Variants in STT3B observed in about 807,000 individuals in gnomAD.
The protein encoded by STT3B is STT3 oligosaccharyltransferase complex catalytic subunit B.
Under a neutral mutation model 96.8 loss-of-function variants are expected in STT3B, and 29 were observed. The ratio of observed to expected loss-of-function variants is 0.30; its 90% CI spans 0.22 to 0.41. The LOEUF (loss-of-function observed/expected upper bound fraction) is 0.41. Among genes scored for constraint, STT3B ranks in the 10% least tolerant of loss-of-function variants. The pLI, the probability that STT3B is intolerant of heterozygous loss-of-function variation, is 1.00. For missense variants in STT3B, 640 were observed against 1,022.3 expected (o/e 0.63, Z 5.10); for synonymous variants, 367 against 360.0 (o/e 1.02, Z -0.22).
At chr3:31,543,796 T>C (rs1468065023) in intron 1 of STT3B, among the ~76,000 whole-genome samples, 4 of 152,208 alleles carry the variant, frequency 2.6e-5, no homozygotes, top group Non-Finnish European at 5.9e-5. Flanking sequence ...GGAAGAACTT[T>C]GAGGAAGATT....
intron 4 of STT3B, among the ~76,000 whole-genome samples, chr3:31,597,997 G>A (rs879673921): frequency 2.6e-5 from 4 of 151,602 alleles, no homozygotes; most frequent in Non-Finnish European, 5.9e-5. Flanking sequence ...CACTATGCCC[G>A]GCTAATTTTT....
chr3:31,539,418 A>G (rs1697177045), intron 1 of STT3B, among the ~76,000 whole-genome samples: 1 of 152,184 alleles, frequency 6.6e-6, no homozygotes, highest in African/African-American at 2.4e-5. Flanking sequence ...TTTTATTTCC[A>G]TAGACAAAAG....
chr3:31,564,477 A>G (rs1354536219), intron 1 of STT3B, among the ~76,000 whole-genome samples: 2 of 152,194 alleles, frequency 1.3e-5, no homozygotes, highest in African/African-American at 2.4e-5. Context: ...TTGTGCTTCC[A>G]TCTTCTCATC....
chr3:31,619,914 T>G, intron 9 of STT3B, 84 bp downstream of exon 9: 3 of 1,517,528 alleles, frequency 2.0e-6, no homozygotes, highest in Non-Finnish European at 1.8e-6. Context: ...TTTGTTTTTC[T>G]ATGTTTGACT....
chr3:31,603,774 G>T (rs1429077348), intron 5 of STT3B, among the ~76,000 whole-genome samples: 1 of 152,120 alleles, frequency 6.6e-6, no homozygotes, highest in African/African-American at 2.4e-5. Context: ...ACCAATAGGG[G>T]AATGATTTTT....
At chr3:31,537,372 G>GT (rs1368565463) in intron 1 of STT3B, among the ~76,000 whole-genome samples, 1 of 152,116 alleles carries the variant, frequency 6.6e-6, no homozygotes, top group Non-Finnish European at 1.5e-5. Context: ...GAACACAAAC[G>GT]TCCCCAAATC....
At chr3:31,560,189 A>G (rs1697840466) in intron 1 of STT3B, among the ~76,000 whole-genome samples, 2 of 151,986 alleles carry the variant, frequency 1.3e-5, no homozygotes, top group Non-Finnish European at 2.9e-5. Flanking sequence ...TACATTCAGG[A>G]TTATTATTAA....
At chr3:31,592,853 A>C (rs1423782969) in intron 3 of STT3B, among the ~76,000 whole-genome samples, 1 of 152,186 alleles carries the variant, frequency 6.6e-6, no homozygotes, top group Non-Finnish European at 1.5e-5. Context: ...GAAAAGCAGA[A>C]AAATGAAGGG....
chr3:31,629,698 T>C (rs992618904), intron 14 of STT3B, among the ~76,000 whole-genome samples: 1 of 152,188 alleles, frequency 6.6e-6, no homozygotes, highest in African/African-American at 2.4e-5. Context: ...TTGGAAAGTA[T>C]TGTTCTCCAA....
At chr3:31,619,419 T>C (rs1455122730) in intron 8 of STT3B, among the ~76,000 whole-genome samples, 1 of 152,188 alleles carries the variant, frequency 6.6e-6, no homozygotes, top group Non-Finnish European at 1.5e-5. Flanking sequence ...GATTTCTGTA[T>C]TGGAATTCAG....
chr3:31,617,522 T>C (rs1210079671), intron 7 of STT3B, among the ~76,000 whole-genome samples: 1 of 152,018 alleles, frequency 6.6e-6, no homozygotes, highest in Non-Finnish European at 1.5e-5. Context: ...AAGCCGTGAG[T>C]GTTTAAAATC....
At chr3:31,633,781 A>G (rs775393976) in intron 15 of STT3B, among the ~76,000 whole-genome samples, 1 of 152,152 alleles carries the variant, frequency 6.6e-6, no homozygotes, top group Non-Finnish European at 1.5e-5. Context: ...AAAAATTAGT[A>G]TTTATATAGG....
intron 1 of STT3B, among the ~76,000 whole-genome samples, chr3:31,541,464 CT>C (rs1318453174): frequency 8.4e-6 from 1 of 118,688 alleles, no homozygotes; most frequent in Non-Finnish European, 1.8e-5. Context: ...CTTTTTTTTT[CT>C]TTTTTTGTTT....
intron 5 of STT3B, among the ~76,000 whole-genome samples, chr3:31,602,387 A>G (rs1041522263): frequency 5.9e-5 from 9 of 152,018 alleles, no homozygotes; most frequent in Non-Finnish European, 8.8e-5. Context: ...TTTTGTGTAA[A>G]TTTAAAAATT....
intron 2 of STT3B, 146 bp downstream of exon 2, chr3:31,576,650 T>G (rs1698270846): frequency 2.1e-6 from 1 of 467,742 alleles, no homozygotes; most frequent in Non-Finnish European, 3.7e-6. Context: ...TTCAGTTTAC[T>G]TAGGCTCTTT....
At chr3:31,630,220 T>C (rs1386212837) in intron 14 of STT3B, among the ~76,000 whole-genome samples, 1 of 152,212 alleles carries the variant, frequency 6.6e-6, no homozygotes, top group Non-Finnish European at 1.5e-5. Context: ...TCTAACCTCT[T>C]TTCTGCCTAA....
chr3:31,570,468 C>G (rs754217945), intron 1 of STT3B, among the ~76,000 whole-genome samples: 1 of 151,962 alleles, frequency 6.6e-6, no homozygotes, highest in East Asian at 1.9e-4. Context: ...CTGAGATGAT[C>G]GTATGAAGAA....
At chr3:31,556,087 T>C (rs1487877848) in intron 1 of STT3B, among the ~76,000 whole-genome samples, 1 of 152,126 alleles carries the variant, frequency 6.6e-6, no homozygotes, top group African/African-American at 2.4e-5. Flanking sequence ...GCCTCTGGTA[T>C]CTGTCTACCT....
rs1024372132 is a variant in STT3B at position 31,604,269 on chromosome 3, G to T, written c.877+3810G>T. The stretch of plus-strand genomic sequence containing the variant: ...TTTAGTTCTGTACAAATTATTATGG[G>T]CATTATATATTTTGTGAATAAAGAA... On this transcript the variant is annotated intron_variant, in intron 5 of 15. Coordinates refer to ENST00000295770, the MANE Select transcript of STT3B (RefSeq NM_178862.3). Among the ~76,000 whole-genome samples, 7 of 152,048 alleles carry T rather than the reference G, an allele frequency of 4.6e-5. No individual in the cohort carries two copies. In the South Asian group the frequency reaches 8.3e-4, roughly 18 times the overall value.
Sources: allele counts gnomAD v4.1 joint callset (sites outside exome capture counted in the v4.1 genomes callset), GRCh38; gene constraint gnomAD v4.1.1; transcripts MANE v1.5; gene names NCBI Gene and HGNC (gene_info 2026-07-23, HGNC 2026-07-21).